Variants in KIF17 observed in about 807,000 individuals in gnomAD.
The protein encoded by KIF17 is kinesin-like protein KIF17.
Under a neutral mutation model 96.8 loss-of-function variants are expected in KIF17, and 80 were observed. The ratio of observed to expected loss-of-function variants is 0.83; its 90% CI spans 0.69 to 1.00. The LOEUF (loss-of-function observed/expected upper bound fraction) is 1.00. KIF17 is among the 50% of genes least tolerant of loss of function. The pLI, the probability that KIF17 is intolerant of heterozygous loss-of-function variation, is 0.00. For missense variants in KIF17, 1,280 were observed against 1,372.9 expected (o/e 0.93, Z 1.07); for synonymous variants, 567 against 587.5 (o/e 0.97, Z 0.51).
intron 4 of KIF17, among the ~76,000 whole-genome samples, chr1:20,706,252 G>A (rs751796642): frequency 6.6e-6 from 1 of 151,496 alleles, no homozygotes; most frequent in Non-Finnish European, 1.5e-5. Flanking sequence ...GGAGAAGTAA[G>A]GTAAACAGAC....
At chr1:20,688,001 C>T in intron 7 of KIF17, 57 bp from the exon 8 acceptor site, 2 of 1,447,860 alleles carry the variant, frequency 1.4e-6, no homozygotes, top group Non-Finnish European at 1.9e-6. Context: ...GAGACCCTTC[C>T]CTAGAAGGTG....
At chr1:20,688,880 G>A (rs950439730) in intron 7 of KIF17, among the ~76,000 whole-genome samples, 26 of 152,286 alleles carry the variant, frequency 1.7e-4, no homozygotes, top group East Asian at 7.7e-4. Context: ...CTCCAGGAGC[G>A]CGTCTCCCTT....
intron 3 of KIF17, among the ~76,000 whole-genome samples, chr1:20,712,093 A>G (rs1358148859): frequency 6.6e-6 from 1 of 152,146 alleles, no homozygotes; most frequent in African/African-American, 2.4e-5. Context: ...CAGCTGCAGC[A>G]AGTGTGAGCA....
chr1:20,716,193 G>C (rs937803111), intron 1 of KIF17, among the ~76,000 whole-genome samples: 2 of 150,638 alleles, frequency 1.3e-5, no homozygotes, highest in African/African-American at 2.4e-5. Context: ...AGTGAGCCGA[G>C]GTCGTGCCAC....
At chr1:20,671,059 G>A (rs2053639679) in intron 12 of KIF17, among the ~76,000 whole-genome samples, 1 of 152,206 alleles carries the variant, frequency 6.6e-6, no homozygotes, top group Non-Finnish European at 1.5e-5. Context: ...CGGGAGGTCA[G>A]CAGCAAGAGC....
rs371238960 is a variant in KIF17 at position 20,697,956 on chromosome 1, T to G, written c.1233+423A>C. Among the ~76,000 whole-genome samples, 7 of 152,164 alleles carry G rather than the reference T, an allele frequency of 4.6e-5. 1 individual carries two copies. The East Asian group carries it at 5.8e-4, about 13-fold the overall frequency. ...AAACGGGCTGCCTGGCTCTCAGACT[T>G]GTCGTCGGCTGCTGGGGGACAGACT... On this transcript the variant is annotated intron_variant, in intron 6 of 14. Transcript: ENST00000400463.
chr1:20,670,541 A>G lies in KIF17; in HGVS notation c.2723-53T>C, dbSNP rs1015141512. On this transcript the variant is annotated intron_variant, in intron 12 of 14. Transcript: ENST00000400463. The stretch of plus-strand genomic sequence containing the variant: ...CACTGCTGCCTGGTGCAAGGCCTAG[A>G]GGAGGGCACAGGTGGAGGTGGGGGT... The G allele has an allele frequency of 2.6e-6, 4 of 1,549,852 alleles. No individual in the cohort carries two copies. In the East Asian group the frequency reaches 6.7e-5, roughly 26 times the overall value.
chr1:20,665,585 G>GT (rs2053513605), intron 14 of KIF17, among the ~76,000 whole-genome samples: 1 of 151,816 alleles, frequency 6.6e-6, no homozygotes, highest in Non-Finnish European at 1.5e-5. Context: ...ATTTTTAGTA[G>GT]AGACGGGGTT....
intron 3 of KIF17, among the ~76,000 whole-genome samples, chr1:20,712,828 T>C (rs2054488925): frequency 2.1e-5 from 2 of 93,054 alleles, no homozygotes; most frequent in South Asian, 7.5e-4. Flanking sequence ...ATATAGATAT[T>C]ATCTATATTA....
Position 20,670,503 on chromosome 1 carries a change from C to T in KIF17, c.2723-15G>A. 6.2e-7 allele frequency: 1 copy of T among 1,613,840 alleles called. No individual in the cohort carries two copies. Among genetic ancestry groups the T allele is most frequent in the Non-Finnish European group, 8.5e-7 (1 of 1,179,888 alleles). On this transcript the variant is annotated splice_polypyrimidine_tract_variant and intron_variant, in intron 12 of 14. Transcript: ENST00000400463. ...CCCAGTTGAAACTGCTATGAGAAAA[C>T]AAAAGCTGAAGTCACTGCTGCCTGG...
chr1:20,666,336 C>G lies in KIF17; in HGVS notation c.2791-5G>C. On this transcript the variant is annotated splice_region_variant and splice_polypyrimidine_tract_variant and intron_variant, in intron 13 of 14. Coordinates refer to ENST00000400463, the MANE Select transcript of KIF17 (RefSeq NM_001122819.3). The stretch of plus-strand genomic sequence containing the variant: ...GAGCCTGTAGCGGTCGTCCTCCTGC[C>G]GAGATGCAGATGCCCGTGGTCACGT... 2 of 1,607,332 alleles carry G rather than the reference C, an allele frequency of 1.2e-6. No homozygotes were observed. The highest frequency in any genetic ancestry group is 8.5e-7 in the Non-Finnish European group (1 of 1,173,722).
chr1:20,690,352 G>GGGGGCCA lies in KIF17; in HGVS notation c.1234-18_1234-17insTGGCCCC. 2 of 451,162 alleles carry GGGGGCCA rather than the reference G, an allele frequency of 4.4e-6. No individual in the cohort carries two copies. Among genetic ancestry groups the GGGGGCCA allele is most frequent in the Non-Finnish European group, 8.5e-6 (2 of 235,142 alleles). 27.9% of individuals were successfully genotyped at this position (451,162 alleles called of 1,614,324 possible). A position where few individuals can be genotyped will look rare whatever the true frequency, so the allele number is the denominator to read the frequency against. On this transcript the variant is annotated splice_polypyrimidine_tract_variant and intron_variant, in intron 6 of 14. Coordinates refer to ENST00000400463, the MANE Select transcript of KIF17 (RefSeq NM_001122819.3). ...TTCATACTCCTGGGGGGGTGGGAGGGACCAGAGGGCAGGCAGCATTTTATC... is the reference window on the plus strand; with the variant it reads ...TTCATACTCCTGGGGGGGTGGGAGGGGGGGCCAACCAGAGGGCAGGCAGCATTTTATC...
At chr1:20,693,986 T>C (rs1261436293) in intron 6 of KIF17, 1 of 152,226 alleles carries the variant, frequency 6.6e-6, no homozygotes, top group Non-Finnish European at 1.5e-5. Flanking sequence ...CTGCTTTTTC[T>C]TTCTGAACCA....
chr1:20,681,057 C>T lies in KIF17; in HGVS notation c.2463+1596G>A, dbSNP rs527680840. ...AGGAGAATGGCATGAACCCAGGAGG[C>T]GGAGCTTGCAGTGAGCTGAGATCTC... On this transcript the variant is annotated intron_variant, in intron 11 of 14. Transcript: ENST00000400463. 2.5e-3 allele frequency among the ~76,000 whole-genome samples: 360 copies of T among 146,888 alleles called. 1 individual carries two copies. Among genetic ancestry groups the T allele is most frequent in the African/African-American group, 8.4e-3 (336 of 39,838 alleles).
At chr1:20,665,946 T>C (rs1358800639) in intron 14 of KIF17, among the ~76,000 whole-genome samples, 2 of 152,164 alleles carry the variant, frequency 1.3e-5, no homozygotes, top group East Asian at 1.9e-4. Context: ...AGCCATGCAC[T>C]GAGTGCCTAC....
intron 5 of KIF17, among the ~76,000 whole-genome samples, chr1:20,703,165 A>AGATGGATG (rs375493743): frequency 0.082 from 7,141 of 86,770 alleles, 518 homozygotes; most frequent in African/African-American, 0.29. Flanking sequence ...GGAAGGATGG[A>AGATGGATG]GATGGATGGA....
chr1:20,685,066 A>T lies in KIF17; in HGVS notation c.2020-46T>A. ...AGGTGGAGGTGGGAAGGCCGCCCCA[A>T]CCCCCGCCGACAGCTCCCAGGTGGC... On this transcript the variant is annotated intron_variant, in intron 9 of 14. Transcript: ENST00000400463. This position sits in a 1 kb window ranked among gnomAD's most constrained non-coding sequence, Gnocchi z 4.1. 4 of 1,472,384 alleles carry T rather than the reference A, an allele frequency of 2.7e-6. No homozygotes were observed. The highest frequency in any genetic ancestry group is 3.7e-6 in the Non-Finnish European group (4 of 1,075,440). 91.2% of individuals were successfully genotyped at this position (1,472,384 alleles called of 1,614,324 possible).
chr1:20,716,836 C>T (rs1478192611), intron 1 of KIF17, among the ~76,000 whole-genome samples: 1 of 152,244 alleles, frequency 6.6e-6, no homozygotes, highest in Non-Finnish European at 1.5e-5. Context: ...GAGGCAGACA[C>T]AGTTCCTGCC....
chr1:20,695,485 A>T (rs1349225115), intron 6 of KIF17, among the ~76,000 whole-genome samples: 1 of 152,130 alleles, frequency 6.6e-6, no homozygotes, highest in Non-Finnish European at 1.5e-5. Flanking sequence ...CACTGCACCC[A>T]ACCCCATTCT....
Sources: allele counts gnomAD v4.1 joint callset (sites outside exome capture counted in the v4.1 genomes callset), GRCh38; gene constraint gnomAD v4.1.1; non-coding constraint Gnocchi (gnomAD v3.1); transcripts MANE v1.5; gene names NCBI Gene and HGNC (gene_info 2026-07-23, HGNC 2026-07-21).